Variants in CACNA1B observed in about 807,000 individuals in gnomAD.
CACNA1B encodes the protein calcium voltage-gated channel subunit alpha1 B.
Under a neutral mutation model 247.2 loss-of-function variants are expected in CACNA1B, and 70 were observed. The observed-to-expected ratio is 0.28, with a 90% CI of 0.23 to 0.35. CACNA1B has a LOEUF of 0.35. CACNA1B is among the 10% of genes least tolerant of loss of function. CACNA1B has a pLI of 1.00. For missense variants in CACNA1B, 2,367 were observed against 3,197.4 expected, an observed-to-expected ratio of 0.74 and a Z score of 6.26; for synonymous variants, 1,231 against 1,294.4, an observed-to-expected ratio of 0.95 and a Z score of 1.05.
rs969815709 is a variant in CACNA1B, at chr9:138,023,261, G to A, written c.2518G>A (p.Glu840Lys). The A allele has an allele frequency of 3.8e-5, 57 of 1,514,882 alleles. No individual in the cohort carries two copies. The highest frequency in any genetic ancestry group is 4.9e-5 in the Non-Finnish European group (56 of 1,139,812). 93.8% of individuals were successfully genotyped at this position (1,514,882 alleles called of 1,614,324 possible). A position where few individuals can be genotyped will look rare whatever the true frequency, so the allele number is the denominator to read the frequency against. The part of the protein sequence containing the change: ...VGGKARPEAA[E>K]APEGVDPPRR... ...AGGCAAAGCCCGACCTGAGGCTGCG[G>A]AGGCCCCCGAGGGCGTCGACCCTCC... The change falls in exon 19 of 47, where the codon GAG becomes AAG. Residue 840 changes from glutamate (E) to lysine (K), a missense_variant. Around this residue, in one of 12 missense-constraint regions of CACNA1B, gnomAD observed 631 missense variants for 631.1 expected, o/e 1.00. Transcript: ENST00000371372.
chr9:137,958,202 A>T (rs1393893888), intron 10 of CACNA1B, among the ~76,000 whole-genome samples: 1 of 152,164 alleles, frequency 6.6e-6, no homozygotes, highest in Non-Finnish European at 1.5e-5. Context: ...TATGAGACAG[A>T]ACTCTTTAAT....
In CACNA1B at chr9:138,047,463, G is replaced by A; in HGVS notation, c.3603+5G>A. 6.2e-7 allele frequency: 1 copy of A among 1,604,160 alleles called. No individual in the cohort carries two copies. The highest frequency in any genetic ancestry group is 8.5e-7 in the Non-Finnish European group (1 of 1,170,832). On this transcript the variant is annotated splice_donor_5th_base_variant and intron_variant, in intron 23 of 46. Transcript: ENST00000371372. ...ACCTTTGAGATGGTGATAAAGGTGA[G>A]ATATGTGGCTGCCCTTGTGACCCCA...
chr9:137,936,833 GTCTGTATC>G (rs1457922880), intron 6 of CACNA1B, among the ~76,000 whole-genome samples: 2 of 152,178 alleles, frequency 1.3e-5, no homozygotes, highest in African/African-American at 4.8e-5. Flanking sequence ...TGTTCCATTG[GTCTGTATC>G]TCTGTTTTGG....
intron 20 of CACNA1B, among the ~76,000 whole-genome samples, chr9:138,029,924 C>G (rs1052996303): frequency 6.6e-6 from 1 of 152,126 alleles, no homozygotes; most frequent in African/African-American, 2.4e-5. Flanking sequence ...CCATTTTCAT[C>G]AAATTTCAAA....
intron 36 of CACNA1B, among the ~76,000 whole-genome samples, chr9:138,088,959 C>CAAAAAAAAAAAAA (rs56112600): frequency 1.6e-5 from 1 of 61,424 alleles, no homozygotes; most frequent in African/African-American, 4.5e-5. Context: ...AACTCCGTCT[C>CAAAAAAAAAAAAA]AAAAAAAAAA....
chr9:138,058,682 A>G lies in CACNA1B; in HGVS notation c.4422A>G (p.Glu1474=), dbSNP rs2133505207. ...TWTFVVSPPF[E]YFIMAMIALN... ...CATTTGTGGTCTCCCCGCCCTTTGAATACTTCATCATGGCCATGATAGCCC... is the reference window on the plus strand; with the variant it reads ...CATTTGTGGTCTCCCCGCCCTTTGAGTACTTCATCATGGCCATGATAGCCC... The change falls in exon 29 of 47, where the codon GAA becomes GAG. Residue 1474 remains glutamate, a synonymous_variant. Coordinates refer to ENST00000371372, the MANE Select transcript of CACNA1B (RefSeq NM_000718.4). This position sits in a 1 kb window ranked among gnomAD's most constrained non-coding sequence, Gnocchi z 4.7. 6.2e-7 allele frequency: 1 copy of G among 1,612,500 alleles called. No homozygotes were observed. Among genetic ancestry groups the G allele is most frequent in the Non-Finnish European group, 8.5e-7 (1 of 1,179,302 alleles).
At position 138,050,199 on chromosome 9, in the gene CACNA1B, G is replaced by A. The variant is rs1169651372; in HGVS notation, c.3710+884G>A. 17 of 778,064 alleles carry A rather than the reference G, an allele frequency of 2.2e-5. No homozygotes were observed. The highest frequency in any genetic ancestry group is 6.4e-5 in the East Asian group (1 of 15,580). 48.2% of individuals were successfully genotyped at this position (778,064 alleles called of 1,614,324 possible). A position where few individuals can be genotyped will look rare whatever the true frequency, so the allele number is the denominator to read the frequency against. On this transcript the variant is annotated intron_variant, in intron 24 of 46. Transcript: ENST00000371372. The surrounding 1 kb of genome is among the most constrained non-coding windows in gnomAD (Gnocchi z 5.2). ...CCCGCCCATCCACTTTCACCCCATC[G>A]GGGCTGCATGCTGCCGGGAGCCAAG...
intron 3 of CACNA1B, among the ~76,000 whole-genome samples, chr9:137,901,163 T>C (rs1180058002): frequency 6.6e-6 from 1 of 150,818 alleles, no homozygotes; most frequent in Non-Finnish European, 1.5e-5. Context: ...TGTGTTTGTG[T>C]CTGTGTGTCT....
chr9:138,014,279 G>A lies in CACNA1B; in HGVS notation c.2267+1044G>A, dbSNP rs893314945. 6.6e-6 allele frequency among the ~76,000 whole-genome samples: 1 copy of A among 152,180 alleles called. No individual in the cohort carries two copies. The highest frequency in any genetic ancestry group is 6.5e-5 in the Admixed American group (1 of 15,286). ...GCATGTGTGTGAGTGCATGTGCTGA[G>A]TGTGTGCACCCCCATACCAGCCCTG... is the stretch of plus-strand genomic sequence containing the variant. On this transcript the variant is annotated intron_variant, in intron 18 of 46. Transcript: ENST00000371372. The surrounding 1 kb of genome is among the most constrained non-coding windows in gnomAD (Gnocchi z 6.2).
chr9:138,047,102 C>A, intron 22 of CACNA1B, 69 bp downstream of exon 22: 2 of 1,469,792 alleles, frequency 1.4e-6, no homozygotes, highest in African/African-American at 2.8e-5. Flanking sequence ...CCCAGGGGCC[C>A]AAGGGGCTGG....
intron 15 of CACNA1B, among the ~76,000 whole-genome samples, chr9:138,000,170 C>T (rs1003803362): frequency 8.6e-5 from 13 of 150,530 alleles, no homozygotes; most frequent in Admixed American, 4.0e-4. Flanking sequence ...GCGATCTCGG[C>T]TCACTGCAAG....
At chr9:138,041,952 GTC>G (rs1373718785) in intron 20 of CACNA1B, among the ~76,000 whole-genome samples, 1 of 151,950 alleles carries the variant, frequency 6.6e-6, no homozygotes, top group Non-Finnish European at 1.5e-5. Flanking sequence ...TAGAAACAGG[GTC>G]TGTCACCATC....
Position 137,891,952 on chromosome 9 carries a change from C to T in CACNA1B, c.530+9069C>T, listed in dbSNP as rs1292367417. On this transcript the variant is annotated intron_variant, in intron 3 of 46. Coordinates refer to ENST00000371372, the MANE Select transcript of CACNA1B (RefSeq NM_000718.4). The surrounding 1 kb of genome is among the most constrained non-coding windows in gnomAD (Gnocchi z 4.3). ...GGGCAGGCCCTTCTAGCCAATGCCA[C>T]CCTCCCTGTCTCCCCTGAGAGCACA... The T allele has an allele frequency of 2.3e-6, 1 of 427,854 alleles. No homozygotes were observed. The highest frequency in any genetic ancestry group is 4.7e-6 in the Non-Finnish European group (1 of 211,338). 26.5% of individuals were successfully genotyped at this position (427,854 alleles called of 1,614,324 possible).
At position 138,096,608 on chromosome 9, in the gene CACNA1B, C is replaced by T. The variant is rs779763934; in HGVS notation, c.5219C>T (p.Ala1740Val). Residue 1740 changes from alanine to valine, a missense_variant, in exon 37 of 47, where the codon GCG (alanine) becomes GTG (valine). Ala to Val is a moderately conservative substitution (Grantham distance 64). This residue lies in a region of CACNA1B where 55 missense variants were observed against 107.8 expected (regional missense o/e 0.51). Transcript: ENST00000371372. ...IRVWAEYDPA[A>V]CGRISYNDMF... ...GTCTGGGCTGAATACGACCCGGCTG[C>T]GTGGTAAGTGAGCCGTGGTGCTCTG... 2 of 1,611,182 alleles carry T rather than the reference C, an allele frequency of 1.2e-6. No individual in the cohort carries two copies. The highest frequency in any genetic ancestry group is 1.1e-5 in the South Asian group (1 of 90,678).
At chr9:138,113,199 T>A (rs909223786) in intron 40 of CACNA1B, among the ~76,000 whole-genome samples, 6 of 135,378 alleles carry the variant, frequency 4.4e-5, no homozygotes, top group Non-Finnish European at 9.2e-5. Flanking sequence ...CGTGCACACC[T>A]CCTTCTTTTG....
chr9:137,879,240 A>G, intron 2 of CACNA1B, 81 bp downstream of exon 2: 1 of 911,138 alleles, frequency 1.1e-6, no homozygotes. Context: ...GCCTGAGAAC[A>G]GCTTCCTCGG....
At chr9:138,092,731 G>C (rs1960919606) in intron 36 of CACNA1B, among the ~76,000 whole-genome samples, 1 of 152,196 alleles carries the variant, frequency 6.6e-6, no homozygotes, top group African/African-American at 2.4e-5. Flanking sequence ...CACAATTTAT[G>C]TTCAGAGATT....
rs141851650 is a variant in CACNA1B at position 138,096,623 on chromosome 9, G to A, written c.5222+12G>A. 4.4e-4 allele frequency: 714 copies of A among 1,608,354 alleles called. 4 individuals carry two copies. The African/African-American group carries it at 7.7e-3, about 17-fold the overall frequency. On this transcript the variant is annotated intron_variant, in intron 37 of 46. Coordinates refer to ENST00000371372, the MANE Select transcript of CACNA1B (RefSeq NM_000718.4). ...GACCCGGCTGCGTGGTAAGTGAGCC[G>A]TGGTGCTCTGTGGTCCTTGGGGGTG...
At chr9:137,948,863 G>A (rs1050936665) in intron 6 of CACNA1B, among the ~76,000 whole-genome samples, 2 of 146,926 alleles carry the variant, frequency 1.4e-5, no homozygotes, top group Non-Finnish European at 3.0e-5. Flanking sequence ...TGGTGTATTT[G>A]TGTCTAGTGT....
Sources: gnomAD v4.1 joint callset for allele counts (sites outside exome capture counted in the v4.1 genomes callset) on GRCh38, gnomAD v4.1.1 for gene constraint, gnomAD v4.1.1 regional missense constraint, Gnocchi (gnomAD v3.1) non-coding constraint, MANE v1.5 for transcripts, NCBI Gene and HGNC (gene_info 2026-07-23, HGNC 2026-07-21) for gene names.